Variants in MAPK4 observed in about 807,000 individuals in gnomAD.
MAPK4 encodes the protein mitogen-activated protein kinase 4, also known as Erk3-related.
Under a neutral mutation model 47.7 loss-of-function variants are expected in MAPK4, and 22 were observed. The observed-to-expected ratio is 0.46, with a 90% CI of 0.33 to 0.66. MAPK4 has a LOEUF of 0.66. Among genes scored for constraint, MAPK4 ranks in the 30% least tolerant of loss-of-function variants. The pLI is 0.02. For missense variants in MAPK4, 736 were observed against 831.7 expected, an observed-to-expected ratio of 0.88 and a Z score of 1.42; for synonymous variants, 390 against 365.7, an observed-to-expected ratio of 1.07 and a Z score of -0.76.
intron 1 of MAPK4, among the ~76,000 whole-genome samples, chr18:50,594,603 A>T (rs2042466573): frequency 6.6e-6 from 1 of 152,262 alleles, no homozygotes; most frequent in Admixed American, 6.5e-5. Flanking sequence ...CTAATTTGAG[A>T]TAGTTCATAA....
intron 1 of MAPK4, among the ~76,000 whole-genome samples, chr18:50,620,382 A>C (rs1187108721): frequency 2.6e-5 from 4 of 152,216 alleles, no homozygotes; most frequent in Admixed American, 2.6e-4. Flanking sequence ...TATATGAAGA[A>C]CTTATCTAAT....
intron 2 of MAPK4, among the ~76,000 whole-genome samples, chr18:50,702,084 C>T (rs1909818545): frequency 6.7e-6 from 1 of 149,730 alleles, no homozygotes; most frequent in Non-Finnish European, 1.5e-5. Flanking sequence ...ATCGCTTGAG[C>T]CCAGGAGGCG....
intron 1 of MAPK4, among the ~76,000 whole-genome samples, chr18:50,653,558 C>T (rs76489966): frequency 5.8e-4 from 89 of 152,330 alleles, no homozygotes; most frequent in African/African-American, 1.9e-3. Context: ...GTTGGAACCA[C>T]GCCTAGTTTA....
intron 2 of MAPK4, among the ~76,000 whole-genome samples, chr18:50,667,739 C>T (rs1484339056): frequency 6.6e-6 from 1 of 152,178 alleles, no homozygotes. Context: ...AACATTTTTC[C>T]TCTGCTCTCA....
At chr18:50,600,382 C>T (rs374105321) in intron 1 of MAPK4, among the ~76,000 whole-genome samples, 1 of 152,338 alleles carries the variant, frequency 6.6e-6, no homozygotes, top group African/African-American at 2.4e-5. Flanking sequence ...TGGTTGAAGG[C>T]ATTCCTCCTC....
At chr18:50,716,374 T>C (rs1372713553) in intron 3 of MAPK4, among the ~76,000 whole-genome samples, 1 of 152,144 alleles carries the variant, frequency 6.6e-6, no homozygotes, top group Non-Finnish European at 1.5e-5. Context: ...CCCCCCTCAG[T>C]TGCTTCTCAC....
Position 50,664,821 on chromosome 18 carries a change from C to A in MAPK4, c.546+317C>A, listed in dbSNP as rs1442812652. On this transcript the variant is annotated intron_variant, in intron 2 of 5. Coordinates refer to ENST00000400384, the MANE Select transcript of MAPK4 (RefSeq NM_002747.4). The surrounding 1 kb of genome is among the most constrained non-coding windows in gnomAD (Gnocchi z 6.0). Reference sequence around the variant, plus strand: ...GAAAACTATGTGGTTGGTGAATTTGCCTCTAGCATCTTCTTATCCCTGCTG... The same window carrying A: ...GAAAACTATGTGGTTGGTGAATTTGACTCTAGCATCTTCTTATCCCTGCTG... Among the ~76,000 whole-genome samples, 1 of 152,144 alleles carries A rather than the reference C, an allele frequency of 6.6e-6. No homozygotes were observed. The highest frequency in any genetic ancestry group is 1.5e-5 in the Non-Finnish European group (1 of 68,024).
intron 2 of MAPK4, among the ~76,000 whole-genome samples, chr18:50,672,595 A>G (rs962019978): frequency 6.6e-6 from 1 of 151,612 alleles, no homozygotes; most frequent in Non-Finnish European, 1.5e-5. Flanking sequence ...TCTTCTACCC[A>G]CTCTCAGAAG....
chr18:50,722,480 T>C (rs1910985399), intron 4 of MAPK4, among the ~76,000 whole-genome samples: 1 of 152,206 alleles, frequency 6.6e-6, no homozygotes, highest in South Asian at 2.1e-4. Flanking sequence ...CCACCAGTGA[T>C]GAGCTGTGTG....
chr18:50,673,371 G>C (rs1457356044), intron 2 of MAPK4, among the ~76,000 whole-genome samples: 1 of 152,230 alleles, frequency 6.6e-6, no homozygotes, highest in Non-Finnish European at 1.5e-5. Flanking sequence ...CACCATGAGA[G>C]CTGCCACCTC....
intron 1 of MAPK4, among the ~76,000 whole-genome samples, chr18:50,616,195 T>C (rs943868138): frequency 2.0e-5 from 3 of 152,166 alleles, no homozygotes; most frequent in Admixed American, 6.5e-5. Flanking sequence ...AGGGTGGGGC[T>C]TCTAATGCTA....
At chr18:50,700,249 C>T (rs1167415593) in intron 2 of MAPK4, among the ~76,000 whole-genome samples, 1 of 152,156 alleles carries the variant, frequency 6.6e-6, no homozygotes, top group Non-Finnish European at 1.5e-5. Context: ...AACAGACACT[C>T]CTGTCACTCA....
At chr18:50,613,289 G>A (rs1446114363) in intron 1 of MAPK4, among the ~76,000 whole-genome samples, 1 of 152,236 alleles carries the variant, frequency 6.6e-6, no homozygotes, top group East Asian at 1.9e-4. Flanking sequence ...ACACAGCCGT[G>A]TGTGAGAGGG....
intron 2 of MAPK4, chr18:50,706,157 A>T (rs181713161): frequency 1.3e-5 from 2 of 152,138 alleles, no homozygotes; most frequent in African/African-American, 4.8e-5. Context: ...TTTTTCAGTA[A>T]ATTTTTACTT....
chr18:50,622,825 C>A (rs11663892), intron 1 of MAPK4, among the ~76,000 whole-genome samples: 24,217 of 152,242 alleles, frequency 0.16, 2,261 homozygotes, highest in Middle Eastern at 0.24. Context: ...GGGTTTCAGA[C>A]TTTACTGTAA....
intron 1 of MAPK4, among the ~76,000 whole-genome samples, chr18:50,643,757 C>T (rs776560968): frequency 1.3e-5 from 2 of 152,136 alleles, no homozygotes; most frequent in African/African-American, 4.8e-5. Flanking sequence ...TCCCACCTGC[C>T]GGTCTTGCCT....
intron 1 of MAPK4, among the ~76,000 whole-genome samples, chr18:50,632,203 C>T (rs1436637177): frequency 6.6e-6 from 1 of 152,190 alleles, no homozygotes; most frequent in Non-Finnish European, 1.5e-5. Context: ...GGGCGGCGGC[C>T]TCCTCTTTGC....
chr18:50,596,436 A>T (rs890155883), intron 1 of MAPK4, among the ~76,000 whole-genome samples: 8 of 152,178 alleles, frequency 5.3e-5, no homozygotes, highest in African/African-American at 1.9e-4. Flanking sequence ...CCTAAGGAAC[A>T]TCATACCCAG....
chr18:50,648,174 A>G (rs2043009347), intron 1 of MAPK4, among the ~76,000 whole-genome samples: 1 of 151,272 alleles, frequency 6.6e-6, no homozygotes, highest in Non-Finnish European at 1.5e-5. Context: ...TGCTCTGTGA[A>G]CTGGAGGGAT....
Sources: gnomAD v4.1 joint callset for allele counts (sites outside exome capture counted in the v4.1 genomes callset) on GRCh38, gnomAD v4.1.1 for gene constraint, Gnocchi (gnomAD v3.1) non-coding constraint, MANE v1.5 for transcripts, NCBI Gene and HGNC (gene_info 2026-07-23, HGNC 2026-07-21) for gene names.